Variants in HIBCH observed in about 807,000 individuals in gnomAD.
The protein encoded by HIBCH is 3-hydroxyisobutyryl-CoA hydrolase, mitochondrial.
A neutral mutation model predicts 58.2 loss-of-function variants in HIBCH; 50 were observed. The ratio of observed to expected loss-of-function variants is 0.86; its 90% confidence interval spans 0.68 to 1.09. HIBCH has a LOEUF of 1.09. Ranked by LOEUF, HIBCH falls within the 50% of genes least tolerant of loss-of-function variation. HIBCH has a pLI of 0.00. For synonymous variants in HIBCH, 151 were observed against 146.9 expected (o/e 1.03, Z -0.20); for missense variants, 450 against 449.7 (o/e 1.00, Z -0.01).
rs181103958 is a variant in HIBCH, at chr2:190,286,952, T to C, written c.438+634A>G. On this transcript the variant is annotated intron_variant, in intron 6 of 13. Transcript: ENST00000359678. ...TTAAGTAGAAAAAAGGCTCTATATA[T>C]TAAAAGATAAAAACACAATCAGTTT... Among the ~76,000 whole-genome samples, 111 of 151,808 alleles carry C rather than the reference T, an allele frequency of 7.3e-4. 1 individual carries two copies. Among genetic ancestry groups the C allele is most frequent in the Non-Finnish European group, 1.3e-4 (9 of 67,954 alleles).
At chr2:190,299,177 G>A (rs1198112189) in intron 2 of HIBCH, among the ~76,000 whole-genome samples, 1 of 152,078 alleles carries the variant, frequency 6.6e-6, no homozygotes, top group Non-Finnish European at 1.5e-5. Flanking sequence ...AAACTAAACA[G>A]CACACTTATT....
At chr2:190,265,721 G>T (rs1224626164) in intron 6 of HIBCH, among the ~76,000 whole-genome samples, 2 of 152,070 alleles carry the variant, frequency 1.3e-5, no homozygotes, top group African/African-American at 2.4e-5. Flanking sequence ...GGTTTTTAAA[G>T]ACTTACTTTC....
intron 1 of HIBCH, among the ~76,000 whole-genome samples, chr2:190,192,548 GAATCCATT>G (rs1395550451): frequency 6.6e-6 from 1 of 151,012 alleles, no homozygotes; most frequent in Non-Finnish European, 1.5e-5. Flanking sequence ...TGGACTTTTA[GAATCCATT>G]TGTCAATGTC....
At chr2:190,313,643 C>CAAA (rs546101154) in intron 1 of HIBCH, among the ~76,000 whole-genome samples, 1,315 of 74,068 alleles carry the variant, frequency 0.018, 4 homozygotes, top group Non-Finnish European at 0.021. Flanking sequence ...CTCTGTCTCA[C>CAAA]AAAAAAAAAA....
chr2:190,270,094 C>CATTA (rs1036491508), intron 6 of HIBCH, among the ~76,000 whole-genome samples: 2 of 152,174 alleles, frequency 1.3e-5, no homozygotes, highest in African/African-American at 4.8e-5. Flanking sequence ...GGAGGCAGAG[C>CATTA]ATTAGGACAA....
intron 1 of HIBCH, among the ~76,000 whole-genome samples, chr2:190,196,061 G>GTT (rs1553490765): frequency 2.7e-5 from 4 of 148,028 alleles, no homozygotes; most frequent in Admixed American, 1.4e-4. Flanking sequence ...CCTTTCAATT[G>GTT]TTATTTTTAG....
chr2:190,262,983 G>A (rs895509888), intron 6 of HIBCH, among the ~76,000 whole-genome samples: 5 of 152,142 alleles, frequency 3.3e-5, no homozygotes, highest in East Asian at 1.9e-4. Flanking sequence ...CTAGGAATAC[G>A]CTGAACCATT....
chr2:190,209,879 C>A lies in HIBCH; in HGVS notation c.1012-966G>T, dbSNP rs754988706. Among the ~76,000 whole-genome samples, 19 of 152,238 alleles carry A rather than the reference C, an allele frequency of 1.2e-4. No homozygotes were observed. The highest frequency in any genetic ancestry group is 2.5e-4 in the Non-Finnish European group (17 of 68,004). On this transcript the variant is annotated intron_variant, in intron 12 of 13. Coordinates refer to ENST00000359678, the MANE Select transcript of HIBCH (RefSeq NM_014362.4). The surrounding 1 kb of genome is among the most constrained non-coding windows in gnomAD (Gnocchi z 5.6). The stretch of plus-strand genomic sequence containing the variant: ...ACCTCGGACTAGTAATTTCTCCAAC[C>A]CTAGTTTCTTTACATGAAAAGGTAA...
In HIBCH at chr2:190,214,438, G is replaced by C. The variant is rs1248566072; in HGVS notation, c.892-1363C>G. The C allele has an allele frequency of 6.6e-6, 1 of 152,210 alleles. No homozygotes were observed. The highest frequency in any genetic ancestry group is 2.4e-5 in the African/African-American group (1 of 41,442). The allele number at this position is 152,210 out of a possible 1,614,324, so 9.4% of individuals were successfully genotyped here. ...ACCCCCTCTGACATTCTCCCAGATA[G>C]TCCCTTGGGGAGAATGTTGCAGGTT... On this transcript the variant is annotated intron_variant, in intron 11 of 13. Coordinates refer to ENST00000359678, the MANE Select transcript of HIBCH (RefSeq NM_014362.4). The surrounding 1 kb of genome is among the most constrained non-coding windows in gnomAD (Gnocchi z 5.5).
At position 190,254,187 on chromosome 2, in the gene HIBCH, G is replaced by A. The variant is rs914372642; in HGVS notation, c.518-1880C>T. ...TGAAGCCCTAACCCTCGATGTAACTGCATTTGGAAGCAGGGCCTTTGAAGA... is the reference window on the plus strand; with the variant it reads ...TGAAGCCCTAACCCTCGATGTAACTACATTTGGAAGCAGGGCCTTTGAAGA... On this transcript the variant is annotated intron_variant, in intron 7 of 13. Coordinates refer to ENST00000359678, the MANE Select transcript of HIBCH (RefSeq NM_014362.4). This position sits in a 1 kb window ranked among gnomAD's most constrained non-coding sequence, Gnocchi z 5.0. Among the ~76,000 whole-genome samples the A allele has an allele frequency of 6.6e-6, 1 of 152,122 alleles. No homozygotes were observed. The highest frequency in any genetic ancestry group is 2.4e-5 in the African/African-American group (1 of 41,426).
intron 4 of HIBCH, among the ~76,000 whole-genome samples, chr2:190,292,193 G>A (rs1387972678): frequency 6.6e-6 from 1 of 152,060 alleles, no homozygotes; most frequent in African/African-American, 2.4e-5. Context: ...TATTGGCCAG[G>A]CCGGTCTCGA....
rs1228725590 is a variant in HIBCH, at chr2:190,207,375, T to A, written c.1045+1505A>T. 6.6e-6 allele frequency among the ~76,000 whole-genome samples: 1 copy of A among 152,192 alleles called. No homozygotes were observed. Among genetic ancestry groups the A allele is most frequent in the Non-Finnish European group, 1.5e-5 (1 of 68,036 alleles). ...CATGCAGCAAGAATTTGCAGAGAAT[T>A]TGTGAGGAAAATGCCTATGTTACTT... On this transcript the variant is annotated intron_variant, in intron 13 of 13. Coordinates refer to ENST00000359678, the MANE Select transcript of HIBCH (RefSeq NM_014362.4). The surrounding 1 kb of genome is among the most constrained non-coding windows in gnomAD (Gnocchi z 4.5).
At chr2:190,194,465 G>C (rs550939576) in intron 1 of HIBCH, among the ~76,000 whole-genome samples, 1 of 141,132 alleles carries the variant, frequency 7.1e-6, no homozygotes, top group African/African-American at 2.8e-5. Flanking sequence ...GTGTTCCCAC[G>C]TATCCTGTGT....
rs780127419 is a variant in HIBCH, at chr2:190,210,509, T to G, written c.1012-1596A>C. On this transcript the variant is annotated intron_variant, in intron 12 of 13. Transcript: ENST00000359678. This position sits in a 1 kb window ranked among gnomAD's most constrained non-coding sequence, Gnocchi z 5.5. ...TAATATGATCTTACCTATTCAGTGC[T>G]CAACATAGCAGCCTGAGTGATCAAT... Among the ~76,000 whole-genome samples, 1 of 152,212 alleles carries G rather than the reference T, an allele frequency of 6.6e-6. No homozygotes were observed. Among genetic ancestry groups the G allele is most frequent in the African/African-American group, 2.4e-5 (1 of 41,446 alleles).
At chr2:190,242,229 T>G (rs1686474608) in intron 11 of HIBCH, among the ~76,000 whole-genome samples, 1 of 151,808 alleles carries the variant, frequency 6.6e-6, no homozygotes, top group Non-Finnish European at 1.5e-5. Context: ...CTGATATCCT[T>G]TCTTCTGCTT....
intron 2 of HIBCH, among the ~76,000 whole-genome samples, chr2:190,307,467 T>C (rs2124852509): frequency 6.6e-6 from 1 of 152,122 alleles, no homozygotes; most frequent in South Asian, 2.1e-4. Context: ...TGCCCAGAGG[T>C]TCGAGGCCAG....
intron 6 of HIBCH, among the ~76,000 whole-genome samples, chr2:190,286,575 C>A (rs1222702507): frequency 2.6e-5 from 4 of 152,174 alleles, no homozygotes; most frequent in African/African-American, 4.8e-5. Context: ...CCCTTTCCTG[C>A]CATGAAGACC....
chr2:190,298,090 C>G (rs1688154432), intron 2 of HIBCH, among the ~76,000 whole-genome samples: 1 of 152,118 alleles, frequency 6.6e-6, no homozygotes, highest in South Asian at 2.1e-4. Context: ...TGAGCTCATT[C>G]TTTTTCATGG....
chr2:190,203,536 T>G (rs1387609123), downstream of HIBCH: 2 of 157,740 alleles, frequency 1.3e-5, no homozygotes, highest in Non-Finnish European at 2.9e-5. Context: ...CAGTGTGTAC[T>G]TTGAATTTTT....
Sources: allele counts gnomAD v4.1 joint callset (sites outside exome capture counted in the v4.1 genomes callset), GRCh38; gene constraint gnomAD v4.1.1; non-coding constraint Gnocchi (gnomAD v3.1); transcripts MANE v1.5; gene names NCBI Gene and HGNC (gene_info 2026-07-23, HGNC 2026-07-21).